PREX1: variants seen among roughly 807,000 people sequenced by gnomAD.
The protein encoded by PREX1 is phosphatidylinositol 3,4,5-trisphosphate-dependent Rac exchanger 1 protein.
In PREX1, 41 loss-of-function variants were observed where a neutral mutation model predicts 198.3. That is an observed-to-expected ratio of 0.21 (90% CI 0.16 to 0.27). The LOEUF is 0.27. PREX1 is among the 10% of genes least tolerant of loss of function. The probability of loss-of-function intolerance (pLI) is 1.00; values close to 1 mark genes in which losing one functional copy is unlikely to be tolerated. For missense variants in PREX1, 1,620 were observed against 2,200.7 expected, an observed-to-expected ratio of 0.74 and a Z score of 5.28; for synonymous variants, 843 against 887.2, an observed-to-expected ratio of 0.95 and a Z score of 0.89.
intron 7 of PREX1, 39 bp from the exon 8 acceptor site, chr20:48,692,829 C>T: frequency 1.3e-6 from 2 of 1,537,222 alleles, no homozygotes; most frequent in Non-Finnish European, 1.8e-6. Context: ...CTACACGTCA[C>T]CTCCCAGATG....
intron 16 of PREX1, among the ~76,000 whole-genome samples, chr20:48,658,907 G>A (rs2089567112): frequency 6.6e-6 from 1 of 151,948 alleles, no homozygotes; most frequent in Admixed American, 6.6e-5. Context: ...GGTCCTGAGG[G>A]AGGCCCCAAG....
intron 7 of PREX1, among the ~76,000 whole-genome samples, chr20:48,698,018 C>A (rs1037342511): frequency 2.0e-5 from 3 of 152,160 alleles, no homozygotes; most frequent in Non-Finnish European, 4.4e-5. Flanking sequence ...TGGGGAGATC[C>A]ACCCACCATT....
At position 48,770,554 on chromosome 20, in the gene PREX1, TA is replaced by T. The variant is rs2090230740; in HGVS notation, c.220-22675del. 3.9e-5 allele frequency among the ~76,000 whole-genome samples: 6 copies of T among 151,958 alleles called. No homozygotes were observed. In the South Asian group the frequency reaches 1.2e-3, roughly 31 times the overall value. ...GGCAAAACCCCATCTCTACTAAAAA[TA>T]AAAAATTAGCCAGACATGGTGGTGC... On this transcript the variant is annotated intron_variant, in intron 1 of 39. Coordinates refer to ENST00000371941, the MANE Select transcript of PREX1 (RefSeq NM_020820.4).
At chr20:48,675,609 A>G (rs2089702894) in intron 14 of PREX1, among the ~76,000 whole-genome samples, 1 of 152,194 alleles carries the variant, frequency 6.6e-6, no homozygotes, top group African/African-American at 2.4e-5. Flanking sequence ...GCTCATCGGG[A>G]CTGGAGGAGG....
chr20:48,738,134 G>A (rs1208146516), intron 3 of PREX1, among the ~76,000 whole-genome samples: 1 of 152,182 alleles, frequency 6.6e-6, no homozygotes, highest in Non-Finnish European at 1.5e-5. Flanking sequence ...CCAGAAAGCA[G>A]GGACAAATCG....
At chr20:48,888,088 A>C in the PREX1 span, among the ~76,000 whole-genome samples, 3 of 152,240 alleles carry the variant, frequency 2.0e-5, no homozygotes, top group Non-Finnish European at 4.4e-5. Flanking sequence ...AAAGAGGTTT[A>C]ATTGGACTTA....
chr20:48,751,567 C>T (rs1254226994), intron 1 of PREX1, among the ~76,000 whole-genome samples: 1 of 152,226 alleles, frequency 6.6e-6, no homozygotes, highest in Non-Finnish European at 1.5e-5. Context: ...GCACGACTGG[C>T]TTTTCCAGGC....
intron 11 of PREX1, 59 bp from the exon 12 acceptor site, chr20:48,679,813 G>A (rs1335278791): frequency 1.3e-5 from 18 of 1,371,334 alleles, no homozygotes; most frequent in Middle Eastern, 1.9e-4. Flanking sequence ...TCCCAGCCAC[G>A]CCCCCCAGCA....
At chr20:48,685,835 A>G (rs2089780532) in intron 10 of PREX1, among the ~76,000 whole-genome samples, 2 of 151,956 alleles carry the variant, frequency 1.3e-5, no homozygotes, top group South Asian at 4.2e-4. Flanking sequence ...TTGAGGCTAC[A>G]GTGAGTTATG....
intron 35 of PREX1, among the ~76,000 whole-genome samples, chr20:48,631,749 G>A (rs1156586972): frequency 3.9e-5 from 6 of 152,174 alleles, no homozygotes; most frequent in Non-Finnish European, 7.3e-5. Context: ...GGGCTGTGGG[G>A]GAGGGTGGTA....
At chr20:48,645,529 C>A (rs1213016211) in intron 26 of PREX1, among the ~76,000 whole-genome samples, 1 of 152,214 alleles carries the variant, frequency 6.6e-6, no homozygotes, top group Non-Finnish European at 1.5e-5. Context: ...ATGTCTTACA[C>A]TGAGTTTGCA....
chr20:48,737,957 G>C (rs6066833), intron 3 of PREX1, among the ~76,000 whole-genome samples: 10,869 of 152,260 alleles, frequency 0.071, 497 homozygotes, highest in South Asian at 0.18. Flanking sequence ...GTAAAGTCCT[G>C]TATTTGTTTA....
intron 14 of PREX1, among the ~76,000 whole-genome samples, chr20:48,674,245 C>T (rs1328096177): frequency 6.6e-6 from 1 of 152,192 alleles, no homozygotes. Context: ...TCTCTTTGGG[C>T]TAGATAACTT....
chr20:48,641,359 C>T (rs377006403), intron 29 of PREX1, among the ~76,000 whole-genome samples: 1 of 152,134 alleles, frequency 6.6e-6, no homozygotes, highest in Admixed American at 6.5e-5. Flanking sequence ...GGTTTATCAT[C>T]AAATTTTGGC....
chr20:48,857,914 G>T, the PREX1 span, among the ~76,000 whole-genome samples: 1 of 152,222 alleles, frequency 6.6e-6, no homozygotes, highest in African/African-American at 2.4e-5. Flanking sequence ...AGGGGGGTCT[G>T]GGCCAAGGGG....
At chr20:48,825,046 G>C (rs1326305423) in intron 1 of PREX1, among the ~76,000 whole-genome samples, 2 of 152,198 alleles carry the variant, frequency 1.3e-5, no homozygotes, top group Non-Finnish European at 2.9e-5. Flanking sequence ...AGAGTGGGAA[G>C]ACAGAAGAGA....
chr20:48,711,075 C>T lies in PREX1; in HGVS notation c.622-2654G>A, dbSNP rs569111905. ...CCCTGGCTGCTGACAGGAGGATGCACGGGATGGAATGTGCAGTGAATATAA... is the reference window on the plus strand; with the variant it reads ...CCCTGGCTGCTGACAGGAGGATGCATGGGATGGAATGTGCAGTGAATATAA... On this transcript the variant is annotated intron_variant, in intron 5 of 39. Coordinates refer to ENST00000371941, the MANE Select transcript of PREX1 (RefSeq NM_020820.4). Among the ~76,000 whole-genome samples, 32 of 152,290 alleles carry T rather than the reference C, an allele frequency of 2.1e-4. No homozygotes were observed. The South Asian group carries it at 2.3e-3, about 11-fold the overall frequency.
upstream of PREX1, among the ~76,000 whole-genome samples, chr20:48,830,383 C>T (rs1175118396): frequency 1.3e-5 from 2 of 152,206 alleles, no homozygotes; most frequent in East Asian, 1.9e-4. Context: ...GAAAAAGTGT[C>T]TCCAGACATT....
At chr20:48,685,044 T>C (rs577790800) in intron 10 of PREX1, among the ~76,000 whole-genome samples, 44 of 152,340 alleles carry the variant, frequency 2.9e-4, no homozygotes, top group Middle Eastern at 6.8e-3. Context: ...TCACGCTAAG[T>C]ATTTCCTTAG....
Sources: gnomAD v4.1 joint callset for allele counts (sites outside exome capture counted in the v4.1 genomes callset) on GRCh38, gnomAD v4.1.1 for gene constraint, MANE v1.5 for transcripts, NCBI Gene and HGNC (gene_info 2026-07-23, HGNC 2026-07-21) for gene names.